Variants in HAUS1 observed in about 807,000 individuals in gnomAD.
HAUS1 encodes the protein HAUS augmin-like complex subunit 1.
In HAUS1, 25 loss-of-function variants were observed where a neutral mutation model predicts 38.6. That is an observed-to-expected ratio of 0.65 (90% CI 0.47 to 0.91). The LOEUF (loss-of-function observed/expected upper bound fraction) is 0.91, where lower values mean the gene tolerates loss of function less well. Among genes scored for constraint, HAUS1 ranks in the 40% least tolerant of loss-of-function variants. The pLI is 0.00. For missense variants in HAUS1, 325 were observed against 328.4 expected (o/e 0.99, Z 0.08); for synonymous variants, 109 against 112.9 (o/e 0.97, Z 0.22).
intron 2 of HAUS1, among the ~76,000 whole-genome samples, chr18:46,117,551 G>A (rs1911825915): frequency 1.3e-5 from 2 of 152,072 alleles, no homozygotes; most frequent in African/African-American, 4.8e-5. Context: ...TAAGGGGGCC[G>A]GGTATGGTGG....
Position 46,128,064 on chromosome 18 carries a change from T to C in HAUS1, c.787-11T>C. 2 of 1,539,998 alleles carry C rather than the reference T, an allele frequency of 1.3e-6. No individual in the cohort carries two copies. Among genetic ancestry groups the C allele is most frequent in the Non-Finnish European group, 1.8e-6 (2 of 1,137,602 alleles). On this transcript the variant is annotated splice_polypyrimidine_tract_variant and intron_variant, in intron 8 of 8. Coordinates refer to ENST00000282058, the MANE Select transcript of HAUS1 (RefSeq NM_138443.4). ...TATGTCCTTATCTATGGTATGTCTT[T>C]CTTCCTGTAGGATAGCATTGAAGCT...
At chr18:46,116,955 GA>G (rs1911812686) in intron 2 of HAUS1, among the ~76,000 whole-genome samples, 1 of 130,774 alleles carries the variant, frequency 7.6e-6, no homozygotes, top group African/African-American at 3.2e-5. Context: ...CTGGATGACA[GA>G]GTGAGACCCT....
chr18:46,125,816 A>G (rs748115366), intron 8 of HAUS1, 25 bp downstream of exon 8: 5 of 1,484,358 alleles, frequency 3.4e-6, no homozygotes, highest in Non-Finnish European at 4.7e-6. Context: ...TAATTTTTTC[A>G]GATTTTTTTA....
At chr18:46,105,834 GC>G (rs1354193971) in intron 2 of HAUS1, among the ~76,000 whole-genome samples, 1 of 152,106 alleles carries the variant, frequency 6.6e-6, no homozygotes, top group East Asian at 1.9e-4. Flanking sequence ...GCCTGCCTCA[GC>G]CTCCCAAAGT....
At chr18:46,119,861 G>A (rs1199900125) in intron 3 of HAUS1, 65 bp from the exon 4 acceptor site, 10 of 1,361,338 alleles carry the variant, frequency 7.3e-6, no homozygotes, top group Non-Finnish European at 7.9e-6. Flanking sequence ...GTCATTTTTA[G>A]CAATGAGGAG....
In HAUS1 at chr18:46,105,233, A is replaced by G. The variant is rs531449737; in HGVS notation, c.70A>G (p.Ile24Val). 2.4e-5 allele frequency: 39 copies of G among 1,612,924 alleles called. No homozygotes were observed. Among genetic ancestry groups the G allele is most frequent in the Non-Finnish European group, 3.2e-5 (38 of 1,179,680 alleles). ...WLKKIFGDHP[I>V]PQYEVNPRTT... Reference sequence around the variant, plus strand: ...AAAAAAAATATTTGGAGATCATCCTATTCCACAGTATGAGGTGAACCCACG... The same window carrying G: ...AAAAAAAATATTTGGAGATCATCCTGTTCCACAGTATGAGGTGAACCCACG... Residue 24 changes from isoleucine to valine, a missense_variant, in exon 2 of 9, where the codon ATT becomes GTT. Ile to Val is a conservative substitution (Grantham distance 29). Coordinates refer to ENST00000282058, the MANE Select transcript of HAUS1 (RefSeq NM_138443.4).
chr18:46,113,075 CAT>C (rs112024762), intron 2 of HAUS1, among the ~76,000 whole-genome samples: 7 of 123,444 alleles, frequency 5.7e-5, no homozygotes, highest in African/African-American at 1.3e-4. Flanking sequence ...ATATATATTC[CAT>C]ATATATATAT....
intron 2 of HAUS1, among the ~76,000 whole-genome samples, chr18:46,108,944 G>A (rs556825094): frequency 2.6e-5 from 4 of 152,016 alleles, no homozygotes; most frequent in Admixed American, 6.6e-5. Flanking sequence ...GGTGGCGGGC[G>A]CCTGTAGTCC....
chr18:46,115,553 G>A lies in HAUS1; in HGVS notation c.206-2628G>A, dbSNP rs556936516. 4.6e-5 allele frequency among the ~76,000 whole-genome samples: 7 copies of A among 151,892 alleles called. No individual in the cohort carries two copies. In the South Asian group the frequency reaches 6.2e-4, roughly 14 times the overall value. On this transcript the variant is annotated intron_variant, in intron 2 of 8. Coordinates refer to ENST00000282058, the MANE Select transcript of HAUS1 (RefSeq NM_138443.4). Reference sequence around the variant, plus strand: ...TGAGGTGGGAGGATTGCTTGAGCCCGGGAAGCAGAGGTTGCAGTGAGCCAA... The same window carrying A: ...TGAGGTGGGAGGATTGCTTGAGCCCAGGAAGCAGAGGTTGCAGTGAGCCAA...
At chr18:46,114,523 C>T (rs1287234807) in intron 2 of HAUS1, among the ~76,000 whole-genome samples, 1 of 152,120 alleles carries the variant, frequency 6.6e-6, no homozygotes, top group Non-Finnish European at 1.5e-5. Context: ...CCTCACTAGC[C>T]GGAGCAAGGG....
intron 2 of HAUS1, among the ~76,000 whole-genome samples, chr18:46,114,246 A>G (rs1911746247): frequency 6.6e-6 from 1 of 152,134 alleles, no homozygotes; most frequent in African/African-American, 2.4e-5. Context: ...TCTTTTTGAG[A>G]TTGCCCTTAG....
At chr18:46,107,100 A>T (rs974807257) in intron 2 of HAUS1, among the ~76,000 whole-genome samples, 1 of 152,204 alleles carries the variant, frequency 6.6e-6, no homozygotes, top group Non-Finnish European at 1.5e-5. Flanking sequence ...ATTTTAATAC[A>T]CTTAGAGTGT....
At chr18:46,120,868 G>A (rs890891063) in intron 4 of HAUS1, among the ~76,000 whole-genome samples, 2 of 152,168 alleles carry the variant, frequency 1.3e-5, no homozygotes, top group Non-Finnish European at 2.9e-5. Context: ...TTACAGGCAT[G>A]AGCCACCGCA....
intron 2 of HAUS1, among the ~76,000 whole-genome samples, chr18:46,116,872 G>C (rs568254404): frequency 6.6e-6 from 1 of 152,110 alleles, no homozygotes; most frequent in South Asian, 2.1e-4. Flanking sequence ...AAATTAGCCA[G>C]GTATAGTGGT....
intron 2 of HAUS1, among the ~76,000 whole-genome samples, chr18:46,110,946 G>A (rs977112967): frequency 6.8e-6 from 1 of 147,056 alleles, no homozygotes; most frequent in Non-Finnish European, 1.5e-5. Context: ...GCGCATTCTC[G>A]GCTCACTGCA....
At chr18:46,121,251 G>A (rs927407081) in intron 4 of HAUS1, among the ~76,000 whole-genome samples, 2 of 151,866 alleles carry the variant, frequency 1.3e-5, no homozygotes, top group Non-Finnish European at 1.5e-5. Flanking sequence ...GTGCAATGGC[G>A]CGATCTCAGC....
chr18:46,118,455 A>T lies in HAUS1; in HGVS notation c.341+139A>T, dbSNP rs191111821. 630 of 704,222 alleles carry T rather than the reference A, an allele frequency of 8.9e-4. 1 individual carries two copies. The highest frequency in any genetic ancestry group is 1.4e-3 in the Non-Finnish European group (581 of 424,284). The allele number at this position is 704,222 out of a possible 1,614,324, so 43.6% of individuals were successfully genotyped here. ...AATTTAGTTACTTCATGTCTTTGCC[A>T]GTGAGTATAATTAATTTGGATAAAT... On this transcript the variant is annotated intron_variant, in intron 3 of 8. Coordinates refer to ENST00000282058, the MANE Select transcript of HAUS1 (RefSeq NM_138443.4).
chr18:46,116,142 G>C (rs1399775361), intron 2 of HAUS1, among the ~76,000 whole-genome samples: 3 of 151,846 alleles, frequency 2.0e-5, no homozygotes, highest in Admixed American at 2.0e-4. Context: ...GGGGAAAAAG[G>C]AAAGAAAGAA....
In HAUS1 at chr18:46,124,742, T is replaced by C; in HGVS notation, c.667-80T>C. 5.4e-6 allele frequency: 4 copies of C among 738,976 alleles called. No homozygotes were observed. The South Asian group carries it at 6.9e-5, about 13-fold the overall frequency. The allele number at this position is 738,976 out of a possible 1,614,324, so 45.8% of individuals were successfully genotyped here. ...ATATACTAATGTTAATGCTTTGTTG[T>C]GTTTTATTTCAGAAATGGACAGTAT... On this transcript the variant is annotated intron_variant, in intron 6 of 8. Transcript: ENST00000282058.
Sources: allele counts gnomAD v4.1 joint callset (sites outside exome capture counted in the v4.1 genomes callset), GRCh38; gene constraint gnomAD v4.1.1; transcripts MANE v1.5; gene names NCBI Gene and HGNC (gene_info 2026-07-23, HGNC 2026-07-21).